Variants in MYO1D observed in about 807,000 individuals in gnomAD.
The protein encoded by MYO1D is myosin ID.
MYO1D carries 83 observed loss-of-function variants against 122.0 expected under a neutral mutation model. The ratio of observed to expected loss-of-function variants is 0.68; its 90% confidence interval spans 0.57 to 0.82. The LOEUF (loss-of-function observed/expected upper bound fraction) is 0.82, where lower values mean the gene tolerates loss of function less well. Among genes scored for constraint, MYO1D ranks in the 40% least tolerant of loss-of-function variants. MYO1D has a pLI of 0.00. For missense variants in MYO1D, 1,157 were observed against 1,269.5 expected (o/e 0.91, Z 1.35); for synonymous variants, 464 against 446.9 (o/e 1.04, Z -0.48).
At chr17:32,601,047 T>C (rs2087556634) in intron 21 of MYO1D, among the ~76,000 whole-genome samples, 1 of 151,632 alleles carries the variant, frequency 6.6e-6, no homozygotes, top group Non-Finnish European at 1.5e-5. Flanking sequence ...GAATTCAGCC[T>C]CTTAAGTAGC....
chr17:32,835,959 A>C (rs2090818039), intron 1 of MYO1D, among the ~76,000 whole-genome samples: 1 of 152,240 alleles, frequency 6.6e-6, no homozygotes, highest in Non-Finnish European at 1.5e-5. Context: ...AATGTTTTAA[A>C]TAAGATTTGT....
rs186315707 is a variant in MYO1D, at chr17:32,671,683, A to G, written c.2122-12345T>C. 3.9e-5 allele frequency among the ~76,000 whole-genome samples: 6 copies of G among 152,282 alleles called. No individual in the cohort carries two copies. In the East Asian group the frequency reaches 1.2e-3, roughly 29 times the overall value. On this transcript the variant is annotated intron_variant, in intron 16 of 21. Transcript: ENST00000318217. ...TTTCTGAATATTGGTGAGTATATAT[A>G]AAAATTGAAAATGATGGCAATTTTA... is the stretch of plus-strand genomic sequence containing the variant.
chr17:32,695,785 G>A (rs944186676), intron 16 of MYO1D, among the ~76,000 whole-genome samples: 2 of 152,086 alleles, frequency 1.3e-5, no homozygotes, highest in African/African-American at 4.8e-5. Flanking sequence ...GCATAAACTG[G>A]TACAATTATT....
intron 11 of MYO1D, among the ~76,000 whole-genome samples, chr17:32,749,742 C>T (rs923726402): frequency 6.6e-6 from 1 of 151,996 alleles, no homozygotes. Flanking sequence ...CCAAACCAAA[C>T]CAAACAAAAT....
rs570007650 is a variant in MYO1D, at chr17:32,520,304, CAG to C, written c.2865-25391_2865-25390del. Among the ~76,000 whole-genome samples the C allele has an allele frequency of 1.2e-4, 18 of 152,262 alleles. No individual in the cohort carries two copies. The South Asian group carries it at 3.7e-3, about 32-fold the overall frequency. ...CCTGCCGCTGTGCACAAAGTCCACA[CAG>C]AGGACTTCCCGAGGTCAGCCTCCGG... On this transcript the variant is annotated intron_variant, in intron 21 of 21. Transcript: ENST00000318217.
chr17:32,691,274 AAG>A (rs1555642880), intron 16 of MYO1D, among the ~76,000 whole-genome samples: 1 of 151,800 alleles, frequency 6.6e-6, no homozygotes, highest in Non-Finnish European at 1.5e-5. Flanking sequence ...AAAAAAAAAA[AAG>A]AACTTATTTC....
chr17:32,500,941 G>A (rs973639131), intron 21 of MYO1D, among the ~76,000 whole-genome samples: 1 of 151,862 alleles, frequency 6.6e-6, no homozygotes, highest in Admixed American at 6.6e-5. Context: ...CCTGGGAGGC[G>A]GAGCTTGTAG....
chr17:32,730,197 T>G (rs902626056), intron 14 of MYO1D, among the ~76,000 whole-genome samples: 1 of 151,906 alleles, frequency 6.6e-6, no homozygotes, highest in Non-Finnish European at 1.5e-5. Context: ...ATGATTATGT[T>G]AGAAAATTTT....
At chr17:32,500,291 T>C (rs1383732355) in intron 21 of MYO1D, among the ~76,000 whole-genome samples, 1 of 152,198 alleles carries the variant, frequency 6.6e-6, no homozygotes. Flanking sequence ...CACTGCAGCC[T>C]CATGAATGAG....
At chr17:32,707,662 A>C (rs1376111982) in intron 16 of MYO1D, among the ~76,000 whole-genome samples, 3 of 152,228 alleles carry the variant, frequency 2.0e-5, no homozygotes, top group Non-Finnish European at 4.4e-5. Context: ...TTGCTGGTCA[A>C]CAGCTCCCTA....
At chr17:32,861,696 T>A (rs1397718491) in intron 1 of MYO1D, among the ~76,000 whole-genome samples, 1 of 152,090 alleles carries the variant, frequency 6.6e-6, no homozygotes, top group Non-Finnish European at 1.5e-5. Context: ...ACTGGATACC[T>A]TTCAGTTTCA....
intron 16 of MYO1D, among the ~76,000 whole-genome samples, chr17:32,699,698 T>C (rs1046625763): frequency 1.1e-4 from 17 of 152,110 alleles, no homozygotes; most frequent in Admixed American, 3.3e-4. Context: ...AAAACAAACA[T>C]ACATAAAAGC....
chr17:32,614,934 G>A (rs2087752699), intron 20 of MYO1D, among the ~76,000 whole-genome samples: 1 of 152,198 alleles, frequency 6.6e-6, no homozygotes, highest in Non-Finnish European at 1.5e-5. Flanking sequence ...GGGCTCCAGT[G>A]ATTCCAACTC....
At position 32,760,339 on chromosome 17, in the gene MYO1D, A is replaced by T; in HGVS notation, c.1247T>A (p.Leu416Gln). 1 of 1,612,776 alleles carries T rather than the reference A, an allele frequency of 6.2e-7. No individual in the cohort carries two copies. The highest frequency in any genetic ancestry group is 8.5e-7 in the Non-Finnish European group (1 of 1,179,004). The change falls in exon 10 of 22, where the codon CTG (leucine) becomes CAG (glutamine). Residue 416 changes from leucine to glutamine, a missense_variant. Physicochemically the swap from Leu to Gln is moderately radical, Grantham distance 113 (BLOSUM62 -2). Coordinates refer to ENST00000318217, the MANE Select transcript of MYO1D (RefSeq NM_015194.3). ...KLQQLFIQLVLKQEQEEYQRE... is the reference protein window; with the variant it reads ...KLQQLFIQLVQKQEQEEYQRE... The stretch of plus-strand genomic sequence containing the variant: ...CTGGTATTCCTCTTGTTCTTGCTTC[A>T]GAACCAGCTGAATAAATAGCTGCTG...
chr17:32,533,329 A>C (rs527686293), intron 21 of MYO1D, among the ~76,000 whole-genome samples: 1 of 152,224 alleles, frequency 6.6e-6, no homozygotes, highest in African/African-American at 2.4e-5. Context: ...AGGGCCCTCC[A>C]TGATGTCACC....
chr17:32,517,771 T>C (rs1056810442), intron 21 of MYO1D, among the ~76,000 whole-genome samples: 1 of 152,226 alleles, frequency 6.6e-6, no homozygotes, highest in Middle Eastern at 3.2e-3. Flanking sequence ...ACAATTTAAT[T>C]GATTTATCAC....
chr17:32,736,035 CAT>C (rs1223041739), intron 14 of MYO1D, among the ~76,000 whole-genome samples: 2 of 151,300 alleles, frequency 1.3e-5, no homozygotes, highest in African/African-American at 4.9e-5. Context: ...TTATTTCTAT[CAT>C]ATTATTTTGT....
chr17:32,574,360 T>C (rs2087259140), intron 21 of MYO1D, among the ~76,000 whole-genome samples: 1 of 152,112 alleles, frequency 6.6e-6, no homozygotes, highest in African/African-American at 2.4e-5. Context: ...TTTGTAAAGC[T>C]AGCTAATTTA....
chr17:32,827,537 C>G (rs2090733563), intron 1 of MYO1D, among the ~76,000 whole-genome samples: 3 of 152,056 alleles, frequency 2.0e-5, no homozygotes, highest in South Asian at 2.1e-4. Context: ...GAACTGTACA[C>G]TTAAAAGTGG....
Sources: allele counts gnomAD v4.1 joint callset (sites outside exome capture counted in the v4.1 genomes callset), GRCh38; gene constraint gnomAD v4.1.1; transcripts MANE v1.5; gene names NCBI Gene and HGNC (gene_info 2026-07-23, HGNC 2026-07-21).